Variants in SLC16A7 observed in about 807,000 individuals in gnomAD.
SLC16A7 encodes solute carrier family 16 member 7, also known as monocarboxylate transporter 2.
In SLC16A7, 33 loss-of-function variants were observed where a neutral mutation model predicts 34.9. The observed-to-expected ratio is 0.94, with a 90% CI of 0.72 to 1.26. The LOEUF is 1.26. SLC16A7 is among the 50% of genes most tolerant of loss of function. The pLI is 0.00. For synonymous variants in SLC16A7, 201 were observed against 206.6 expected (o/e 0.97, Z 0.23); for missense variants, 573 against 578.1 (o/e 0.99, Z 0.09).
In SLC16A7 at chr12:59,705,012, G is replaced by A. The variant is rs781576254; in HGVS notation, c.211G>A (p.Ala71Thr). ...ISSIMLAVMY[A>T]GGPVSSVLVN... ...ATCCATTATGCTGGCTGTTATGTAC[G>A]CAGGAGGTAAGCTTCTTGCAATAAA... is the stretch of plus-strand genomic sequence containing the variant. The change falls in exon 3 of 6, where the codon GCA (alanine) becomes ACA (threonine). Residue 71 changes from alanine (A) to threonine (T), a missense_variant. By Grantham distance (58) the Ala-to-Thr change is moderately conservative. Coordinates refer to ENST00000547379, the MANE Select transcript of SLC16A7 (RefSeq NM_001270623.2). 8.7e-6 allele frequency: 14 copies of A among 1,600,798 alleles called. No individual in the cohort carries two copies. Among genetic ancestry groups the A allele is most frequent in the Admixed American group, 6.7e-5 (4 of 59,960 alleles).
chr12:59,727,185 T>C (rs1244074400), intron 3 of SLC16A7, among the ~76,000 whole-genome samples: 1 of 137,348 alleles, frequency 7.3e-6, no homozygotes, highest in Non-Finnish European at 1.6e-5. Flanking sequence ...ATATATGTTG[T>C]ATTTAGAAGG....
intron 2 of SLC16A7, among the ~76,000 whole-genome samples, chr12:59,679,510 CTCT>C (rs949940663): frequency 6.6e-6 from 1 of 152,190 alleles, no homozygotes; most frequent in African/African-American, 2.4e-5. Flanking sequence ...GCAACCTTAA[CTCT>C]TCTTGTTATA....
chr12:59,781,019 T>TTGCAATAGAGTGCCTAGAA lies in SLC16A7; in HGVS notation c.*1340_*1341insTGCAATAGAGTGCCTAGAA, dbSNP rs1883207624. 2.6e-5 allele frequency: 4 copies of TTGCAATAGAGTGCCTAGAA among 152,286 alleles called. No homozygotes were observed. The South Asian group carries it at 8.3e-4, about 32-fold the overall frequency. 9.4% of individuals were successfully genotyped at this position (152,286 alleles called of 1,614,324 possible). On this transcript the variant is annotated 3_prime_UTR_variant, in exon 6 of 6. Coordinates refer to ENST00000547379, the MANE Select transcript of SLC16A7 (RefSeq NM_001270623.2). ...AAAAGCCTTCTAGAAATAGAGGCAC[T>TTGCAATAGAGTGCCTAGAA]GTATGACTTGCAATCGTAGGTATAG...
intron 2 of SLC16A7, among the ~76,000 whole-genome samples, chr12:59,692,840 G>A (rs1871835142): frequency 6.6e-6 from 1 of 151,892 alleles, no homozygotes; most frequent in South Asian, 2.1e-4. Context: ...TTAAGAGATG[G>A]TTCACTCTGA....
chr12:59,753,276 G>T (rs1345442146), intron 3 of SLC16A7, among the ~76,000 whole-genome samples: 2 of 152,128 alleles, frequency 1.3e-5, no homozygotes, highest in African/African-American at 2.4e-5. Context: ...AAATGTAAAT[G>T]GACTAAATGC....
At chr12:59,718,198 A>AT (rs1257763795) in intron 3 of SLC16A7, among the ~76,000 whole-genome samples, 1 of 151,940 alleles carries the variant, frequency 6.6e-6, no homozygotes, top group Non-Finnish European at 1.5e-5. Context: ...TGTTGTGGTG[A>AT]TTTTTTTCTA....
At chr12:59,751,864 G>A (rs1233018086) in intron 3 of SLC16A7, among the ~76,000 whole-genome samples, 1 of 152,138 alleles carries the variant, frequency 6.6e-6, no homozygotes, top group Non-Finnish European at 1.5e-5. Flanking sequence ...CCGCAGTTGG[G>A]GCAGACTGAC....
chr12:59,757,488 A>AT (rs1304342840), intron 3 of SLC16A7, among the ~76,000 whole-genome samples: 1 of 152,148 alleles, frequency 6.6e-6, no homozygotes, highest in East Asian at 1.9e-4. Context: ...ACTGCTTTTG[A>AT]TTTTTTTCAT....
intron 1 of SLC16A7, among the ~76,000 whole-genome samples, chr12:59,597,975 T>C (rs149675713): frequency 5.6e-4 from 86 of 152,346 alleles, no homozygotes; most frequent in Non-Finnish European, 9.6e-4. Flanking sequence ...TTTCTAGACA[T>C]TCATTTGCTC....
intron 3 of SLC16A7, among the ~76,000 whole-genome samples, chr12:59,752,257 A>G (rs1366676645): frequency 6.6e-6 from 1 of 152,238 alleles, no homozygotes; most frequent in Non-Finnish European, 1.5e-5. Flanking sequence ...TGGACGGAGA[A>G]TGACTTTGAC....
rs544351020 is a variant in SLC16A7, at chr12:59,715,815, CA to C, written c.217+10798del. On this transcript the variant is annotated intron_variant, in intron 3 of 5. Coordinates refer to ENST00000547379, the MANE Select transcript of SLC16A7 (RefSeq NM_001270623.2). The stretch of plus-strand genomic sequence containing the variant: ...TTCCCTTTCTCTGGTGAAATTACCG[CA>C]TTTCTTATACTTTATAAAGGTGTTT... Among the ~76,000 whole-genome samples, 37 of 152,268 alleles carry C rather than the reference CA, an allele frequency of 2.4e-4. No individual in the cohort carries two copies. In the East Asian group the frequency reaches 5.0e-3, roughly 21 times the overall value.
At chr12:59,604,911 A>G (rs922902240) in intron 1 of SLC16A7, among the ~76,000 whole-genome samples, 2 of 152,170 alleles carry the variant, frequency 1.3e-5, no homozygotes, top group Admixed American at 6.5e-5. Flanking sequence ...CAGTGGCACA[A>G]TCTTGGCTCA....
chr12:59,772,210 C>A (rs2711656), intron 4 of SLC16A7, among the ~76,000 whole-genome samples: 63,768 of 151,892 alleles, frequency 0.42, 14,984 homozygotes, highest in African/African-American at 0.64. Flanking sequence ...TGATGAAAAA[C>A]ATGTATTGAA....
chr12:59,787,130 C>T lies in SLC16A7; in HGVS notation c.*7451C>T, dbSNP rs1311619722. ...AAAACATGTCAATATCTCATTAATT[C>T]CTTTTTTATTTTATGTTCCTTTTTA... On this transcript the variant is annotated 3_prime_UTR_variant, in exon 6 of 6. Coordinates refer to ENST00000547379, the MANE Select transcript of SLC16A7 (RefSeq NM_001270623.2). The T allele has an allele frequency of 6.6e-6, 1 of 152,080 alleles. No homozygotes were observed. The highest frequency in any genetic ancestry group is 1.5e-5 in the Non-Finnish European group (1 of 68,002). The allele number at this position is 152,080 out of a possible 1,614,324, so 9.4% of individuals were successfully genotyped here. A position where few individuals can be genotyped will look rare whatever the true frequency, so the allele number is the denominator to read the frequency against.
chr12:59,765,533 T>C (rs1732591493), intron 3 of SLC16A7, among the ~76,000 whole-genome samples: 1 of 152,220 alleles, frequency 6.6e-6, no homozygotes, highest in Admixed American at 6.5e-5. Flanking sequence ...AGGGATCCAG[T>C]TTCAGCTTTC....
At chr12:59,671,281 T>C (rs947603191) in intron 2 of SLC16A7, among the ~76,000 whole-genome samples, 6 of 152,200 alleles carry the variant, frequency 3.9e-5, no homozygotes, top group Non-Finnish European at 8.8e-5. Flanking sequence ...ATGTTTGAAA[T>C]GATATGGTTC....
chr12:59,627,877 C>T lies in SLC16A7; in HGVS notation c.-129-27275C>T, dbSNP rs1879998706. Among the ~76,000 whole-genome samples the T allele has an allele frequency of 2.7e-5, 4 of 150,258 alleles. No individual in the cohort carries two copies. In the South Asian group the frequency reaches 8.3e-4, roughly 31 times the overall value. On this transcript the variant is annotated intron_variant, in intron 1 of 5. Transcript: ENST00000547379. ...CTGTGTGACCATTGTCTATACTATACTATATATAGACTATATAAATATATA... is the reference window on the plus strand; with the variant it reads ...CTGTGTGACCATTGTCTATACTATATTATATATAGACTATATAAATATATA...
intron 2 of SLC16A7, among the ~76,000 whole-genome samples, chr12:59,695,674 G>A (rs1359797321): frequency 6.6e-6 from 1 of 151,988 alleles, no homozygotes; most frequent in Non-Finnish European, 1.5e-5. Context: ...TTTAGAATAG[G>A]TGGCCCTGGA....
chr12:59,650,808 T>C (rs1868330751), intron 1 of SLC16A7, among the ~76,000 whole-genome samples: 1 of 152,156 alleles, frequency 6.6e-6, no homozygotes, highest in Admixed American at 6.6e-5. Context: ...TGGTCAGTTA[T>C]ACTCCCTCTA....
Sources: gnomAD v4.1 joint callset for allele counts (sites outside exome capture counted in the v4.1 genomes callset) on GRCh38, gnomAD v4.1.1 for gene constraint, MANE v1.5 for transcripts, NCBI Gene and HGNC (gene_info 2026-07-23, HGNC 2026-07-21) for gene names.